Variants in KLHDC2 observed in about 807,000 individuals in gnomAD.
The protein encoded by KLHDC2 is kelch domain containing 2.
Under a neutral mutation model 62.3 loss-of-function variants are expected in KLHDC2, and 38 were observed. That is an observed-to-expected ratio of 0.61 (90% CI 0.47 to 0.80). The LOEUF (loss-of-function observed/expected upper bound fraction) is 0.80, where lower values mean the gene tolerates loss of function less well. Ranked by LOEUF, KLHDC2 falls within the 30% of genes least tolerant of loss-of-function variation. The probability of loss-of-function intolerance (pLI) is 0.00; values close to 1 mark genes in which losing one functional copy is unlikely to be tolerated. For synonymous variants in KLHDC2, 159 were observed against 161.0 expected, an observed-to-expected ratio of 0.99 and a Z score of 0.09; for missense variants, 430 against 495.3, an observed-to-expected ratio of 0.87 and a Z score of 1.25.
Position 49,771,657 on chromosome 14 carries a change from A to G in KLHDC2, c.217A>G (p.Met73Val). ...LPREELWIYN[M>V]ETGRWKKINT... ...TAGAGAAGAACTATGGATCTACAAC[A>G]TGGAGACTGGAAGATGGTAAATGTG... Residue 73 changes from methionine (M) to valine (V), a missense_variant, in exon 2 of 13, where the codon ATG (methionine) becomes GTG (valine). Met to Val is a conservative substitution (Grantham distance 21, BLOSUM62 1). Coordinates refer to ENST00000298307, the MANE Select transcript of KLHDC2 (RefSeq NM_014315.3). 1 of 1,507,518 alleles carries G rather than the reference A, an allele frequency of 6.6e-7. No individual in the cohort carries two copies. The highest frequency in any genetic ancestry group is 9.2e-7 in the Non-Finnish European group (1 of 1,082,988). The allele number at this position is 1,507,518 out of a possible 1,614,324, so 93.4% of individuals were successfully genotyped here.
At chr14:49,774,531 C>CT in intron 2 of KLHDC2, 30 bp from the exon 3 acceptor site, 1 of 1,360,304 alleles carries the variant, frequency 7.4e-7, no homozygotes, top group Admixed American at 1.7e-5. Context: ...TTCCCTTTAA[C>CT]TTACATACAT....
intron 3 of KLHDC2, among the ~76,000 whole-genome samples, chr14:49,776,079 C>A (rs1389376957): frequency 6.6e-6 from 1 of 152,190 alleles, no homozygotes; most frequent in African/African-American, 2.4e-5. Context: ...CTGCCCCTTC[C>A]TCCTCCATTT....
chr14:49,779,491 A>T, intron 6 of KLHDC2, 104 bp from the exon 7 acceptor site: 1 of 786,214 alleles, frequency 1.3e-6, no homozygotes, highest in Non-Finnish European at 2.0e-6. Context: ...CCCAACTTTT[A>T]AAAGCTCAAG....
Position 49,785,417 on chromosome 14 carries a change from T to G in KLHDC2, c.*2464T>G. On this transcript the variant is annotated 3_prime_UTR_variant, in exon 13 of 13. Transcript: ENST00000298307. ...TTAGTATCTCAACATATTTTTTATC[T>G]TTTCCTGATATACATACCATCTAAG... 1.2e-6 allele frequency: 1 copy of G among 810,724 alleles called. No individual in the cohort carries two copies. Among genetic ancestry groups the G allele is most frequent in the South Asian group, 1.5e-5 (1 of 68,290 alleles). The allele number at this position is 810,724 out of a possible 1,614,324, so 50.2% of individuals were successfully genotyped here. A position where few individuals can be genotyped will look rare whatever the true frequency, so the allele number is the denominator to read the frequency against.
chr14:49,779,626 C>T lies in KLHDC2; in HGVS notation c.665C>T (p.Ala222Val). 1 of 1,614,134 alleles carries T rather than the reference C, an allele frequency of 6.2e-7. No individual in the cohort carries two copies. The highest frequency in any genetic ancestry group is 8.5e-7 in the Non-Finnish European group (1 of 1,180,012). ...GCACCTTCACCTCGTGCTGCCCATGCCTGTGCAACTGTCGGAAATAGAGGC... is the reference window on the plus strand; with the variant it reads ...GCACCTTCACCTCGTGCTGCCCATGTCTGTGCAACTGTCGGAAATAGAGGC... ...GKAPSPRAAH[A>V]CATVGNRGFV... Residue 222 changes from alanine (A) to valine (V), a missense_variant, in exon 7 of 13, where the codon GCC becomes GTC. Coordinates refer to ENST00000298307, the MANE Select transcript of KLHDC2 (RefSeq NM_014315.3).
chr14:49,782,350 C>T lies in KLHDC2; in HGVS notation c.957-20C>T, dbSNP rs1180269865. ...CTGGTGTTCTGGGTGGCTTCAAACTCGTTTTTGTTTTAAATGCAGGTTATG... is the reference window on the plus strand; with the variant it reads ...CTGGTGTTCTGGGTGGCTTCAAACTTGTTTTTGTTTTAAATGCAGGTTATG... On this transcript the variant is annotated intron_variant, in intron 10 of 12. Transcript: ENST00000298307. The T allele has an allele frequency of 2.5e-6, 4 of 1,581,230 alleles. No individual in the cohort carries two copies. Among genetic ancestry groups the T allele is most frequent in the East Asian group, 4.5e-5 (2 of 44,442 alleles).
At position 49,784,976 on chromosome 14, in the gene KLHDC2, C is replaced by G. The variant is rs192550021; in HGVS notation, c.*2023C>G. The G allele has an allele frequency of 6.2e-7, 1 of 1,613,702 alleles. No homozygotes were observed. The highest frequency in any genetic ancestry group is 8.5e-7 in the Non-Finnish European group (1 of 1,179,882). On this transcript the variant is annotated 3_prime_UTR_variant, in exon 13 of 13. Transcript: ENST00000298307. ...CTCTTGCTGTTGCTTCTTTGGAATG[C>G]ATGAAACTATTCAAGGCTGTTTTTG...
intron 3 of KLHDC2, among the ~76,000 whole-genome samples, chr14:49,776,825 A>C (rs2139796207): frequency 1.4e-5 from 1 of 69,642 alleles, no homozygotes; most frequent in South Asian, 7.4e-4. Context: ...TGGCTGAGGT[A>C]CAAGAATTGC....
chr14:49,780,809 T>TA, intron 10 of KLHDC2, 34 bp downstream of exon 10: 1 of 1,107,062 alleles, frequency 9.0e-7, no homozygotes. Flanking sequence ...TGAATATGCA[T>TA]AAGACATAAG....
At chr14:49,773,810 T>C (rs1287068149) in intron 2 of KLHDC2, among the ~76,000 whole-genome samples, 4 of 151,968 alleles carry the variant, frequency 2.6e-5, no homozygotes, top group Non-Finnish European at 5.9e-5. Context: ...TTTCTTGACC[T>C]TGTGATCCAC....
intron 10 of KLHDC2, among the ~76,000 whole-genome samples, chr14:49,781,468 GC>G (rs2139803231): frequency 6.6e-6 from 1 of 151,258 alleles, no homozygotes; most frequent in South Asian, 2.1e-4. Context: ...CAGGATTACA[GC>G]TGTAATCCCA....
chr14:49,768,562 C>T lies in KLHDC2; in HGVS notation c.94C>T (p.Arg32Cys). The T allele has an allele frequency of 1.9e-6, 3 of 1,607,770 alleles. No individual in the cohort carries two copies. The highest frequency in any genetic ancestry group is 2.5e-6 in the Non-Finnish European group (3 of 1,177,868). ...CATGGAGCTTGCCTGCCCCGCTGAG[C>T]GCAGCGGCCACGTAGCCGTCAGCGA... ...ESMELACPAE[R>C]SGHVAVSDGR... Residue 32 changes from arginine to cysteine, a missense_variant, in exon 1 of 13, where the codon CGC (arginine) becomes TGC (cysteine). Transcript: ENST00000298307.
Position 49,785,392 on chromosome 14 carries a change from T to C in KLHDC2, c.*2439T>C. The C allele has an allele frequency of 1.0e-6, 1 of 961,334 alleles. No individual in the cohort carries two copies. The highest frequency in any genetic ancestry group is 1.7e-6 in the Non-Finnish European group (1 of 589,618). The allele number at this position is 961,334 out of a possible 1,614,324, so 59.6% of individuals were successfully genotyped here. On this transcript the variant is annotated 3_prime_UTR_variant, in exon 13 of 13. Transcript: ENST00000298307. ...TACAAAAAATGCTAAAACACTTGAA[T>C]TAGTATCTCAACATATTTTTTATCT... is the stretch of plus-strand genomic sequence containing the variant.
chr14:49,782,036 G>C (rs1019623763), intron 10 of KLHDC2: 1 of 237,596 alleles, frequency 4.2e-6, no homozygotes, highest in African/African-American at 2.2e-5. Context: ...TTCTGTGTAA[G>C]GCCAGTTGGC....
Position 49,783,142 on chromosome 14 carries a change from G to T in KLHDC2, c.*189G>T. The stretch of plus-strand genomic sequence containing the variant: ...ACAATAAATGTATTTAACACCAGTA[G>T]CTGTCCTCTATTAAAGTAAAGTAAT... On this transcript the variant is annotated 3_prime_UTR_variant, in exon 13 of 13. Transcript: ENST00000298307. 1 of 443,528 alleles carries T rather than the reference G, an allele frequency of 2.3e-6. No individual in the cohort carries two copies. The highest frequency in any genetic ancestry group is 5.3e-5 in the South Asian group (1 of 18,844). 27.5% of individuals were successfully genotyped at this position (443,528 alleles called of 1,614,324 possible). A position where few individuals can be genotyped will look rare whatever the true frequency, so the allele number is the denominator to read the frequency against.
At position 49,774,555 on chromosome 14, in the gene KLHDC2, CCT is replaced by C. The variant is rs1566634214; in HGVS notation, c.234-4_234-3del. ...ACTTACATACATTTAATTTATTCCCCCTCAGGAAAAAAATCAACACTGAAGGT... is the reference window on the plus strand; with the variant it reads ...ACTTACATACATTTAATTTATTCCCCCAGGAAAAAAATCAACACTGAAGGT... On this transcript the variant is annotated splice_polypyrimidine_tract_variant and splice_region_variant and intron_variant, in intron 2 of 12. Coordinates refer to ENST00000298307, the MANE Select transcript of KLHDC2 (RefSeq NM_014315.3). 1 of 1,573,944 alleles carries C rather than the reference CCT, an allele frequency of 6.4e-7. No individual in the cohort carries two copies. Among genetic ancestry groups the C allele is most frequent in the Admixed American group, 1.7e-5 (1 of 59,834 alleles).
chr14:49,784,544 T>C lies in KLHDC2; in HGVS notation c.*1591T>C. 2.4e-6 allele frequency: 2 copies of C among 844,504 alleles called. No individual in the cohort carries two copies. The highest frequency in any genetic ancestry group is 3.8e-6 in the Non-Finnish European group (2 of 524,050). 52.3% of individuals were successfully genotyped at this position (844,504 alleles called of 1,614,324 possible). A position where few individuals can be genotyped will look rare whatever the true frequency, so the allele number is the denominator to read the frequency against. On this transcript the variant is annotated 3_prime_UTR_variant, in exon 13 of 13. Coordinates refer to ENST00000298307, the MANE Select transcript of KLHDC2 (RefSeq NM_014315.3). ...GGCAATGTTTAGTTCATTTTTATAA[T>C]GCGGAAATCCTGATACATGGTGCTT... is the stretch of plus-strand genomic sequence containing the variant.
chr14:49,769,140 C>T (rs1889607496), intron 1 of KLHDC2: 1 of 152,520 alleles, frequency 6.6e-6, no homozygotes, highest in African/African-American at 2.4e-5. Context: ...AAATGGCCAT[C>T]AGGACTGTTT....
chr14:49,772,990 A>C (rs1458628665), intron 2 of KLHDC2, among the ~76,000 whole-genome samples: 2 of 152,194 alleles, frequency 1.3e-5, no homozygotes, highest in African/African-American at 4.8e-5. Context: ...ACAAACTAAA[A>C]ATAAGTCATG....
Sources: allele counts gnomAD v4.1 joint callset (sites outside exome capture counted in the v4.1 genomes callset), GRCh38; gene constraint gnomAD v4.1.1; transcripts MANE v1.5; gene names NCBI Gene and HGNC (gene_info 2026-07-23, HGNC 2026-07-21).